MAN1A2: variants seen among roughly 807,000 people sequenced by gnomAD.
MAN1A2 encodes the protein mannosidase alpha class 1A member 2.
In MAN1A2, 26 loss-of-function variants were observed where a neutral mutation model predicts 75.7. The ratio of observed to expected loss-of-function variants is 0.34; its 90% confidence interval spans 0.25 to 0.48. MAN1A2 has a LOEUF of 0.48. Among genes scored for constraint, MAN1A2 ranks in the 20% least tolerant of loss-of-function variants. MAN1A2 has a pLI of 0.99. For synonymous variants in MAN1A2, 247 were observed against 264.6 expected (o/e 0.93, Z 0.65); for missense variants, 562 against 775.5 (o/e 0.72, Z 3.27).
chr1:117,429,993 C>A (rs1389413805), intron 5 of MAN1A2, among the ~76,000 whole-genome samples: 3 of 62,614 alleles, frequency 4.8e-5, no homozygotes, highest in African/African-American at 2.0e-4. Flanking sequence ...CTGACCCCCC[C>A]ACCTCCCTCC....
Position 117,496,948 on chromosome 1 carries a change from TG to T in MAN1A2, c.1471del (p.Ala491HisfsTer13). On this transcript the variant is annotated frameshift_variant, in exon 10 of 13. Transcript: ENST00000356554. LOFTEE classifies it high-confidence loss of function. ...ATTATTTAGAGCTAGGGGCAGAAAT[TG>T]CACGTACTTGTCATGAGTCATATGA... ...GHYLELGAEI[A>X]RTCHESYDRT... 1 of 1,612,326 alleles carries T rather than the reference TG, an allele frequency of 6.2e-7. No homozygotes were observed. The highest frequency in any genetic ancestry group is 8.5e-7 in the Non-Finnish European group (1 of 1,179,010).
chr1:117,466,257 A>G (rs1649978740), intron 7 of MAN1A2, 77 bp from the exon 8 acceptor site: 3 of 936,902 alleles, frequency 3.2e-6, no homozygotes, highest in Middle Eastern at 2.3e-4. Flanking sequence ...GTAAGAAAAA[A>G]CACAAAGCCT....
intron 6 of MAN1A2, among the ~76,000 whole-genome samples, chr1:117,458,523 A>AGATATAGATATT (rs372300456): frequency 5.7e-5 from 6 of 105,610 alleles, no homozygotes; most frequent in African/African-American, 1.7e-4. Context: ...ATATATATAT[A>AGATATAGATATT]TTTTTTTTTT....
intron 6 of MAN1A2, among the ~76,000 whole-genome samples, chr1:117,442,992 A>G (rs926914581): frequency 1.3e-5 from 2 of 152,198 alleles, no homozygotes; most frequent in African/African-American, 2.4e-5. Context: ...AATAATGTCA[A>G]CATATTTGAA....
intron 5 of MAN1A2, among the ~76,000 whole-genome samples, chr1:117,439,587 G>C (rs1189963063): frequency 6.6e-6 from 1 of 151,766 alleles, no homozygotes; most frequent in African/African-American, 2.4e-5. Context: ...TCCGCCTCCC[G>C]GGTTCAAATG....
At chr1:117,454,667 G>T (rs1649522507) in intron 6 of MAN1A2, among the ~76,000 whole-genome samples, 2 of 152,160 alleles carry the variant, frequency 1.3e-5, no homozygotes, top group South Asian at 4.1e-4. Context: ...ACAAAGAAGG[G>T]AAGGGCACTG....
rs1255084694 is a variant in MAN1A2, at chr1:117,526,866, CTCTCTCTCTCTCTCTATA to C, written c.*3911_*3928del. 2.1e-4 allele frequency: 20 copies of C among 97,156 alleles called. 1 individual carries two copies. Among genetic ancestry groups the C allele is most frequent in the South Asian group, 3.5e-4 (1 of 2,840 alleles). 6.0% of individuals were successfully genotyped at this position (97,156 alleles called of 1,614,324 possible). A position where few individuals can be genotyped will look rare whatever the true frequency, so the allele number is the denominator to read the frequency against. On this transcript the variant is annotated 3_prime_UTR_variant, in exon 13 of 13. Coordinates refer to ENST00000356554, the MANE Select transcript of MAN1A2 (RefSeq NM_006699.5). ...CCTCTCTCTCTCTCTCTCTCTCTCT[CTCTCTCTCTCTCTCTATA>C]TATATATATATATATATATATATAT... is the stretch of plus-strand genomic sequence containing the variant.
intron 6 of MAN1A2, among the ~76,000 whole-genome samples, chr1:117,457,383 A>T (rs1292134804): frequency 1.3e-5 from 2 of 151,814 alleles, no homozygotes; most frequent in African/African-American, 4.8e-5. Context: ...ATTTGCATGA[A>T]ATGATGATCC....
intron 1 of MAN1A2, among the ~76,000 whole-genome samples, chr1:117,386,265 T>G (rs971587298): frequency 6.6e-5 from 10 of 152,230 alleles, no homozygotes; most frequent in African/African-American, 2.4e-4. Context: ...GAAATGTAGA[T>G]ATAAATAGAC....
intron 5 of MAN1A2, among the ~76,000 whole-genome samples, chr1:117,421,755 A>G (rs186040437): frequency 6.6e-6 from 1 of 152,184 alleles, no homozygotes; most frequent in Non-Finnish European, 1.5e-5. Context: ...ATATATTTCT[A>G]TAGTCAGAAC....
intron 5 of MAN1A2, among the ~76,000 whole-genome samples, chr1:117,429,820 C>T (rs1648542467): frequency 1.0e-5 from 1 of 98,334 alleles, no homozygotes; most frequent in African/African-American, 3.9e-5. Flanking sequence ...GACACCCCCA[C>T]CTCCCTCCCG....
Position 117,368,266 on chromosome 1 carries a change from G to A in MAN1A2, c.83G>A (p.Arg28Lys), listed in dbSNP as rs1166104005. 1.9e-6 allele frequency: 3 copies of A among 1,613,992 alleles called. No individual in the cohort carries two copies. The highest frequency in any genetic ancestry group is 1.6e-4 in the Middle Eastern group (1 of 6,084). The change falls in exon 1 of 13, where the codon AGG becomes AAG. Residue 28 changes from arginine to lysine, a missense_variant. Arg to Lys is a conservative substitution (Grantham distance 26). Transcript: ENST00000356554. The part of the protein sequence containing the change: ...NLGPPSFPHH[R>K]ATLRLSEKFI... The stretch of plus-strand genomic sequence containing the variant: ...GGGCCGCCTTCCTTCCCACATCACA[G>A]GGCTACCTTGAGACTTTCTGAGAAG...
chr1:117,385,601 G>A (rs1338336629), intron 1 of MAN1A2, among the ~76,000 whole-genome samples: 2 of 152,108 alleles, frequency 1.3e-5, no homozygotes, highest in African/African-American at 2.4e-5. Flanking sequence ...GAATTGAGGG[G>A]GTGGGGTGAT....
chr1:117,370,371 C>T (rs1249452600), intron 1 of MAN1A2, among the ~76,000 whole-genome samples: 1 of 152,118 alleles, frequency 6.6e-6, no homozygotes, highest in Non-Finnish European at 1.5e-5. Flanking sequence ...TATTCGGTTC[C>T]TGAGTTTTGG....
At chr1:117,412,060 A>T (rs1220395786) in intron 3 of MAN1A2, among the ~76,000 whole-genome samples, 1 of 151,796 alleles carries the variant, frequency 6.6e-6, no homozygotes, top group Non-Finnish European at 1.5e-5. Flanking sequence ...GAATTTTAAG[A>T]TCTTTTTCCC....
At chr1:117,447,288 T>C (rs543754786) in intron 6 of MAN1A2, among the ~76,000 whole-genome samples, 47 of 152,156 alleles carry the variant, frequency 3.1e-4, no homozygotes, top group Non-Finnish European at 6.5e-4. Context: ...ATATATAATC[T>C]CATTATTTTT....
Position 117,414,790 on chromosome 1 carries a change from G to C in MAN1A2, c.733G>C (p.Asp245His). 1.2e-6 allele frequency: 2 copies of C among 1,609,286 alleles called. No homozygotes were observed. Among genetic ancestry groups the C allele is most frequent in the Non-Finnish European group, 1.7e-6 (2 of 1,176,274 alleles). ...YIMGLHDEFL[D>H]GQRWIEDNLD... ...CATGGGACTTCATGATGAATTCCTA[G>C]ATGGGCAAAGATGGATTGAAGACAA... is the stretch of plus-strand genomic sequence containing the variant. Residue 245 changes from aspartate to histidine, a missense_variant, in exon 4 of 13, where the codon GAT becomes CAT. Transcript: ENST00000356554.
intron 1 of MAN1A2, among the ~76,000 whole-genome samples, chr1:117,379,727 G>A (rs1653269857): frequency 6.6e-6 from 1 of 152,080 alleles, no homozygotes; most frequent in Admixed American, 6.6e-5. Flanking sequence ...ATAGTATCAT[G>A]CAATCTAAGA....
rs1406555317 is a variant in MAN1A2 at position 117,382,567 on chromosome 1, C to T, written c.302+14082C>T. On this transcript the variant is annotated intron_variant, in intron 1 of 12. Transcript: ENST00000356554. ...TCTCTGTTTTGGTACCAGTACCATGCTGCTTTGGTTACTGTAGCCTTGTAG... is the reference window on the plus strand; with the variant it reads ...TCTCTGTTTTGGTACCAGTACCATGTTGCTTTGGTTACTGTAGCCTTGTAG... Among the ~76,000 whole-genome samples the T allele has an allele frequency of 5.9e-5, 9 of 152,302 alleles. No individual in the cohort carries two copies. The East Asian group carries it at 1.5e-3, about 26-fold the overall frequency.
Sources: allele counts gnomAD v4.1 joint callset (sites outside exome capture counted in the v4.1 genomes callset), GRCh38; gene constraint gnomAD v4.1.1; transcripts MANE v1.5; gene names NCBI Gene and HGNC (gene_info 2026-07-23, HGNC 2026-07-21).